Variants in ESRP1 observed in about 807,000 individuals in gnomAD.
ESRP1 encodes the protein epithelial splicing regulatory protein 1, also known as RNA-binding motif protein 35A.
ESRP1 carries 33 observed loss-of-function variants against 81.7 expected under a neutral mutation model. That is an observed-to-expected ratio of 0.40 (90% confidence interval 0.31 to 0.54). The LOEUF is 0.54. Among genes scored for constraint, ESRP1 ranks in the 20% least tolerant of loss-of-function variants. The pLI is 0.41. For missense variants in ESRP1, 672 were observed against 833.1 expected, an observed-to-expected ratio of 0.81 and a Z score of 2.38; for synonymous variants, 320 against 303.3, an observed-to-expected ratio of 1.06 and a Z score of -0.57.
At chr8:94,700,954 T>C (rs1265875052) in intron 15 of ESRP1, among the ~76,000 whole-genome samples, 1 of 33,032 alleles carries the variant, frequency 3.0e-5, no homozygotes, top group Non-Finnish European at 4.7e-5. Flanking sequence ...TGTGTGTGTA[T>C]GTGTGTGTGT....
At position 94,668,096 on chromosome 8, in the gene ESRP1, T is replaced by G; in HGVS notation, c.1079T>G (p.Leu360Arg). ...CPITGGKEGI[L>R]FVTYPDGRPT... ...ATTACTGGGGGAAAGGAAGGCATCC[T>G]CTTTGTCACCTACCCAGATGGTAGG... Residue 360 changes from leucine to arginine, a missense_variant, in exon 10 of 16, where the codon CTC becomes CGC. Physicochemically the swap from Leu to Arg is moderately radical, Grantham distance 102. Coordinates refer to ENST00000433389, the MANE Select transcript of ESRP1 (RefSeq NM_017697.4). 1 of 1,614,020 alleles carries G rather than the reference T, an allele frequency of 6.2e-7. No homozygotes were observed. Among genetic ancestry groups the G allele is most frequent in the Non-Finnish European group, 8.5e-7 (1 of 1,179,880 alleles).
chr8:94,683,224 G>A (rs180808666), intron 13 of ESRP1, among the ~76,000 whole-genome samples: 13 of 151,970 alleles, frequency 8.6e-5, no homozygotes, highest in Non-Finnish European at 1.9e-4. Flanking sequence ...GATTACAGGC[G>A]TAAGCCACCG....
rs1385117664 is a variant in ESRP1 at position 94,664,754 on chromosome 8, GC to G, written c.703del (p.Gln235SerfsTer25). 6.2e-7 allele frequency: 1 copy of G among 1,613,784 alleles called. No homozygotes were observed. The highest frequency in any genetic ancestry group is 8.5e-7 in the Non-Finnish European group (1 of 1,179,876). ...TVVRARGLPWQSSDQDIARFF... is the reference protein window; with the variant it reads ...TVVRARGLPWXSSDQDIARFF... ...TAGTCAGGGCACGAGGTTTACCATG[GC>G]AGTCTTCAGATCAAGATATTGCAAG... On this transcript the variant is annotated frameshift_variant, in exon 7 of 16. Coordinates refer to ENST00000433389, the MANE Select transcript of ESRP1 (RefSeq NM_017697.4). LOFTEE classifies it high-confidence loss of function.
intron 15 of ESRP1, among the ~76,000 whole-genome samples, chr8:94,703,187 G>C (rs767205851): frequency 1.4e-5 from 2 of 142,926 alleles, no homozygotes; most frequent in African/African-American, 2.6e-5. Context: ...ACAGAGTCTT[G>C]CTCTATCCCC....
chr8:94,668,000 T>C lies in ESRP1; in HGVS notation c.983T>C (p.Val328Ala). 1 of 1,612,330 alleles carries C rather than the reference T, an allele frequency of 6.2e-7. No individual in the cohort carries two copies. Among genetic ancestry groups the C allele is most frequent in the Non-Finnish European group, 8.5e-7 (1 of 1,178,844 alleles). The change falls in exon 10 of 16, where the codon GTC (valine) becomes GCC (alanine). Residue 328 changes from valine to alanine, a missense_variant. Coordinates refer to ENST00000433389, the MANE Select transcript of ESRP1 (RefSeq NM_017697.4). ...QFLSKENQVI[V>A]RMRGLPFTAT... ...CTCTCCAAGGAAAATCAAGTCATTG[T>C]CCGCATGCGGGGGCTCCCTTTCACG...
chr8:94,664,778 A>G lies in ESRP1; in HGVS notation c.726A>G (p.Ala242=), dbSNP rs917019326. Residue 242 remains alanine, a synonymous_variant, in exon 7 of 16, where the codon GCA becomes GCG. Transcript: ENST00000433389. ...LPWQSSDQDI[A]RFFKGLNIAK... is the part of the protein sequence containing the mutation. Reference sequence around the variant, plus strand: ...GGCAGTCTTCAGATCAAGATATTGCAAGATTCTTCAAAGGACTCAATATTG... The same window carrying G: ...GGCAGTCTTCAGATCAAGATATTGCGAGATTCTTCAAAGGACTCAATATTG... 1.2e-6 allele frequency: 2 copies of G among 1,614,000 alleles called. No homozygotes were observed. The highest frequency in any genetic ancestry group is 8.5e-7 in the Non-Finnish European group (1 of 1,179,866).
intron 3 of ESRP1, among the ~76,000 whole-genome samples, chr8:94,644,207 G>A (rs1817740875): frequency 6.6e-6 from 1 of 152,166 alleles, no homozygotes; most frequent in African/African-American, 2.4e-5. Flanking sequence ...ACCCAGTGTA[G>A]CCAATCATTG....
chr8:94,690,299 TTTTTTGG>T (rs1809345721), intron 13 of ESRP1, among the ~76,000 whole-genome samples: 1 of 113,638 alleles, frequency 8.8e-6, no homozygotes, highest in Non-Finnish European at 1.7e-5. Flanking sequence ...TTTTTTTTTT[TTTTTTGG>T]ATTTTTAGTG....
chr8:94,698,931 C>T (rs760434033), intron 15 of ESRP1, among the ~76,000 whole-genome samples: 19 of 152,030 alleles, frequency 1.2e-4, no homozygotes, highest in Non-Finnish European at 2.2e-4. Context: ...CTTGGTCCTA[C>T]CAAGGAGTGT....
At chr8:94,676,146 G>A (rs772663276) in intron 12 of ESRP1, among the ~76,000 whole-genome samples, 3 of 152,088 alleles carry the variant, frequency 2.0e-5, no homozygotes, top group Non-Finnish European at 4.4e-5. Context: ...GGCTGAGGCA[G>A]GTGGATCACA....
chr8:94,645,245 A>G (rs1438408135), intron 3 of ESRP1, among the ~76,000 whole-genome samples: 1 of 152,160 alleles, frequency 6.6e-6, no homozygotes, highest in Non-Finnish European at 1.5e-5. Flanking sequence ...AGGAACTTGG[A>G]GAGGAGATAT....
At chr8:94,682,310 C>A (rs903892651) in intron 13 of ESRP1, among the ~76,000 whole-genome samples, 3 of 152,146 alleles carry the variant, frequency 2.0e-5, no homozygotes, top group Non-Finnish European at 2.9e-5. Context: ...GACATACATA[C>A]CTTCTATGCA....
chr8:94,647,306 A>G (rs1262079095), intron 4 of ESRP1, among the ~76,000 whole-genome samples: 1 of 152,224 alleles, frequency 6.6e-6, no homozygotes, highest in African/African-American at 2.4e-5. Context: ...CAGAATTCTT[A>G]CAAGAATTTT....
At chr8:94,705,801 C>T in intron 15 of ESRP1, 124 bp from the exon 16 acceptor site, 1 of 828,858 alleles carries the variant, frequency 1.2e-6, no homozygotes, top group Non-Finnish European at 1.8e-6. Flanking sequence ...ATAACTTGGA[C>T]CATCTTAAGG....
At chr8:94,666,314 G>A (rs1055749715) in intron 9 of ESRP1, among the ~76,000 whole-genome samples, 3 of 152,188 alleles carry the variant, frequency 2.0e-5, no homozygotes, top group Non-Finnish European at 4.4e-5. Context: ...TTGAGCCTTG[G>A]TGTATTTTGA....
chr8:94,700,937 A>ATGTGTGTGTG (rs1158857032), intron 15 of ESRP1, among the ~76,000 whole-genome samples: 24 of 125,838 alleles, frequency 1.9e-4, no homozygotes, highest in African/African-American at 8.6e-4. Flanking sequence ...TCAAAAAAAA[A>ATGTGTGTGTG]TGTGTGTGTG....
At chr8:94,694,477 G>A (rs1244264420) in intron 14 of ESRP1, among the ~76,000 whole-genome samples, 1 of 152,168 alleles carries the variant, frequency 6.6e-6, no homozygotes, top group African/African-American at 2.4e-5. Flanking sequence ...GGTGGCATTC[G>A]CCTGTAGTCG....
chr8:94,701,031 G>T (rs575942273), intron 15 of ESRP1, among the ~76,000 whole-genome samples: 1 of 151,698 alleles, frequency 6.6e-6, no homozygotes, highest in African/African-American at 2.4e-5. Context: ...CCAGCATTTT[G>T]GTAGGCTGAA....
intron 13 of ESRP1, chr8:94,688,629 C>A: frequency 5.1e-6 from 1 of 197,346 alleles, no homozygotes; most frequent in Non-Finnish European, 1.0e-5. Flanking sequence ...ATAATACATG[C>A]AAATAAAATG....
Sources: gnomAD v4.1 joint callset for allele counts (sites outside exome capture counted in the v4.1 genomes callset) on GRCh38, gnomAD v4.1.1 for gene constraint, MANE v1.5 for transcripts, NCBI Gene and HGNC (gene_info 2026-07-23, HGNC 2026-07-21) for gene names.